The following HAUS7 variants were observed in gnomAD, a reference collection of about 807,000 sequenced individuals.
HAUS7 encodes HAUS augmin-like complex subunit 7.
A neutral mutation model predicts 28.4 loss-of-function variants in HAUS7; 3 were observed. The ratio of observed to expected loss-of-function variants is 0.11; its 90% CI spans 0.05 to 0.27. The LOEUF (loss-of-function observed/expected upper bound fraction) is 0.27. Ranked by LOEUF, HAUS7 falls within the 10% of genes least tolerant of loss-of-function variation. The pLI is 1.00. For missense variants in HAUS7, 284 were observed against 297.3 expected (o/e 0.96, Z 0.33); for synonymous variants, 165 against 132.1 (o/e 1.25, Z -1.71).
chrX:153,492,677 G>A (rs1163500679), intron 1 of HAUS7, among the ~76,000 whole-genome samples: 5 of 111,030 alleles, frequency 4.5e-5, no homozygotes, highest in Non-Finnish European at 1.9e-5. Context: ...ACCTGAGGGT[G>A]AGGTCGGTGC....
intron 1 of HAUS7, chrX:153,481,031 C>T (rs2089596411): frequency 1.3e-6 from 1 of 750,836 alleles, no homozygotes; most frequent in Admixed American, 8.6e-5. Flanking sequence ...GACAGGCGGC[C>T]TTCAGGTGGG....
At chrX:153,480,874 T>C (rs782474145) in intron 1 of HAUS7, 141 of 753,684 alleles carry the variant, frequency 1.9e-4, no homozygotes, top group Non-Finnish European at 2.2e-4. Context: ...GCCTTGAAGC[T>C]GAGGCCCTGG....
chrX:153,465,312 C>CAAAAAAAA (rs72146941), intron 2 of HAUS7, among the ~76,000 whole-genome samples: 2 of 57,173 alleles, frequency 3.5e-5, no homozygotes, highest in East Asian at 5.8e-4. Context: ...TTCTCAAGAC[C>CAAAAAAAA]AAAAAAAAAA....
intron 1 of HAUS7, among the ~76,000 whole-genome samples, chrX:153,492,213 G>A (rs1008099676): frequency 1.8e-5 from 2 of 113,566 alleles, no homozygotes; most frequent in Admixed American, 9.2e-5. Context: ...CTGCCCGCCC[G>A]CCAGCTCTGC....
chrX:153,456,110 C>T (rs2089304191), intron 7 of HAUS7, among the ~76,000 whole-genome samples, 155 bp downstream of exon 7: 1 of 112,558 alleles, frequency 8.9e-6, no homozygotes, highest in Admixed American at 9.3e-5. Context: ...CCACGGGACC[C>T]ACCTCTCACC....
chrX:153,493,558 C>G (rs1380311224), intron 1 of HAUS7, among the ~76,000 whole-genome samples: 1 of 112,407 alleles, frequency 8.9e-6, no homozygotes, highest in African/African-American at 3.2e-5. Context: ...TCTCCTCATT[C>G]CAACCATGAA....
intron 1 of HAUS7, among the ~76,000 whole-genome samples, chrX:153,479,718 C>G (rs1185368582): frequency 9.0e-6 from 1 of 111,139 alleles, no homozygotes; most frequent in East Asian, 2.9e-4. Flanking sequence ...TTGAGGGGCC[C>G]GAGGACATGG....
At chrX:153,460,869 A>C (rs2089380484) in intron 4 of HAUS7, among the ~76,000 whole-genome samples, 1 of 112,454 alleles carries the variant, frequency 8.9e-6, no homozygotes, top group Non-Finnish European at 1.9e-5. Context: ...GGACAGGAAA[A>C]GGGAGCCCCA....
chrX:153,482,793 C>T (rs2089609204), intron 1 of HAUS7: 4 of 731,178 alleles, frequency 5.5e-6, no homozygotes, highest in Non-Finnish European at 6.5e-6. Context: ...GCCTTCCAGC[C>T]CCTCTGCAGC....
chrX:153,457,295 G>A (rs1051558469), intron 4 of HAUS7, 67 bp from the exon 5 acceptor site: 132 of 733,663 alleles, frequency 1.8e-4, no homozygotes, highest in Non-Finnish European at 2.6e-4. Context: ...GCTGTCCCCA[G>A]TGCCCCTGCC....
chrX:153,460,560 TA>T (rs782215714), intron 4 of HAUS7, among the ~76,000 whole-genome samples: 351 of 97,491 alleles, frequency 3.6e-3, no homozygotes, highest in Admixed American at 4.3e-3. Context: ...TTTTTTAAAT[TA>T]AAAAAAAAAA....
upstream of HAUS7, among the ~76,000 whole-genome samples, chrX:153,474,097 C>T (rs1442451106): frequency 1.8e-5 from 2 of 112,565 alleles, no homozygotes; most frequent in African/African-American, 6.5e-5. Context: ...GCCTGTGGCC[C>T]TAACTCTGGA....
chrX:153,479,966 C>T (rs782627838), intron 1 of HAUS7, among the ~76,000 whole-genome samples: 50 of 111,907 alleles, frequency 4.5e-4, no homozygotes, highest in African/African-American at 1.6e-3. Context: ...CTTGAGGTGG[C>T]CCCTGGGCTT....
intron 4 of HAUS7, among the ~76,000 whole-genome samples, chrX:153,458,229 C>T (rs1487275787): frequency 8.8e-6 from 1 of 113,155 alleles, no homozygotes; most frequent in African/African-American, 3.2e-5. Context: ...AGCACAGGTG[C>T]GAGAAGCTCA....
chrX:153,455,296 A>G, intron 8 of HAUS7: 1 of 441,357 alleles, frequency 2.3e-6, no homozygotes, highest in Non-Finnish European at 3.9e-6. Context: ...GGGCCTAGCT[A>G]GTGCCTGCTA....
At chrX:153,455,099 T>C in intron 8 of HAUS7, 1 of 784,802 alleles carries the variant, frequency 1.3e-6, no homozygotes, top group South Asian at 2.0e-5. Flanking sequence ...CGAGCCCACT[T>C]CCTCTCATCC....
intron 1 of HAUS7, chrX:153,482,847 C>T: frequency 1.7e-6 from 1 of 583,258 alleles, no homozygotes; most frequent in Non-Finnish European, 2.1e-6. Context: ...CGGGCCATCC[C>T]ACGCGGCCTG....
intron 7 of HAUS7, 137 bp downstream of exon 7, chrX:153,456,128 G>A (rs951816300): frequency 7.9e-6 from 4 of 506,142 alleles, no homozygotes; most frequent in African/African-American, 4.7e-5. Flanking sequence ...ACCTCCCCGC[G>A]GACTGAGCAC....
intron 1 of HAUS7, chrX:153,487,000 C>T: frequency 3.4e-6 from 1 of 292,044 alleles, no homozygotes; most frequent in Non-Finnish European, 6.0e-6. Context: ...AAAGGTGGCA[C>T]TGGTTTGTAC....
Sources: allele counts gnomAD v4.1 joint callset (sites outside exome capture counted in the v4.1 genomes callset), GRCh38; gene constraint gnomAD v4.1.1; transcripts MANE v1.5; gene names NCBI Gene and HGNC (gene_info 2026-07-23, HGNC 2026-07-21).